Variants in BSN observed in about 807,000 individuals in gnomAD.
BSN encodes protein bassoon.
In BSN, 57 loss-of-function variants were observed where a neutral mutation model predicts 264.8. The observed-to-expected ratio is 0.22, with a 90% CI of 0.17 to 0.27. BSN has a LOEUF of 0.27. Ranked by LOEUF, BSN falls within the 10% of genes least tolerant of loss-of-function variation. BSN has a pLI of 1.00. For missense variants in BSN, 4,615 were observed against 5,232.5 expected, an observed-to-expected ratio of 0.88 and a Z score of 3.64; for synonymous variants, 2,059 against 2,137.3, an observed-to-expected ratio of 0.96 and a Z score of 1.01.
intron 1 of BSN, among the ~76,000 whole-genome samples, chr3:49,592,603 T>C (rs1014590559): frequency 6.7e-6 from 1 of 150,252 alleles, no homozygotes; most frequent in Admixed American, 6.6e-5. Flanking sequence ...AACAAAAAAT[T>C]AGCCGGGCGT....
chr3:49,575,141 T>G (rs183838182), intron 1 of BSN, among the ~76,000 whole-genome samples: 15 of 152,050 alleles, frequency 9.9e-5, no homozygotes, highest in Non-Finnish European at 1.9e-4. Context: ...GAGGTCAGGC[T>G]TGAGTTGCCG....
chr3:49,610,784 G>A (rs2052200536), intron 1 of BSN, among the ~76,000 whole-genome samples: 3 of 152,088 alleles, frequency 2.0e-5, no homozygotes, highest in Admixed American at 6.6e-5. Context: ...TCAAACAGGA[G>A]GCTCTGGGAT....
rs201627833 is a variant in BSN, at chr3:49,652,809, C to T, written c.3253C>T (p.Arg1085Trp). ...RRDKEELRAQ[R>W]RRERSKTPPS... ...GGACAAGGAAGAACTGCGGGCCCAG[C>T]GGAGGCGAGAGCGCTCCAAGACACC... The change falls in exon 5 of 12, where the codon CGG (arginine) becomes TGG (tryptophan). Residue 1085 changes from arginine (R) to tryptophan (W), a missense_variant. Physicochemically the swap from Arg to Trp is moderately radical, Grantham distance 101. This residue lies in a region of BSN where 3,415 missense variants were observed against 3,866.4 expected (regional missense o/e 0.88). Transcript: ENST00000296452. The T allele has an allele frequency of 9.6e-6, 15 of 1,559,672 alleles. No individual in the cohort carries two copies. Among genetic ancestry groups the T allele is most frequent in the South Asian group, 1.2e-5 (1 of 83,070 alleles).
intron 3 of BSN, among the ~76,000 whole-genome samples, chr3:49,644,110 T>C (rs1287075546): frequency 4.6e-5 from 7 of 152,198 alleles, no homozygotes; most frequent in Non-Finnish European, 1.5e-5. Context: ...TGGGCGTAGC[T>C]TGGTGTGTCT....
At chr3:49,566,807 A>C (rs2108003493) in intron 1 of BSN, among the ~76,000 whole-genome samples, 1 of 151,614 alleles carries the variant, frequency 6.6e-6, no homozygotes, top group African/African-American at 2.4e-5. Flanking sequence ...AAAAAAAAAA[A>C]AAAGGATTAG....
intron 1 of BSN, among the ~76,000 whole-genome samples, chr3:49,557,025 A>G (rs1355688727): frequency 1.3e-5 from 2 of 152,144 alleles, no homozygotes; most frequent in African/African-American, 2.4e-5. Context: ...TCATCCTCAT[A>G]CTGAGCTGAG....
chr3:49,581,223 G>A (rs2051893653), intron 1 of BSN, among the ~76,000 whole-genome samples: 1 of 151,910 alleles, frequency 6.6e-6, no homozygotes, highest in South Asian at 2.1e-4. Flanking sequence ...GACCTCAAGT[G>A]ATCTGCCCAC....
At position 49,671,083 on chromosome 3, in the gene BSN, C is replaced by T. The variant is rs1202119173; in HGVS notation, c.*3598C>T. The stretch of plus-strand genomic sequence containing the variant: ...TGCTGCCATGTGCACTGGGGTGGCA[C>T]TGGAGAGCCATGGCAGTCGTGAGAT... On this transcript the variant is annotated 3_prime_UTR_variant, in exon 12 of 12. Coordinates refer to ENST00000296452, the MANE Select transcript of BSN (RefSeq NM_003458.4). The surrounding 1 kb of genome is among the most constrained non-coding windows in gnomAD (Gnocchi z 4.1). The T allele has an allele frequency of 1.3e-5, 2 of 152,234 alleles. No homozygotes were observed. Among genetic ancestry groups the T allele is most frequent in the Non-Finnish European group, 2.9e-5 (2 of 68,048 alleles). The allele number at this position is 152,234 out of a possible 1,614,324, so 9.4% of individuals were successfully genotyped here. A position where few individuals can be genotyped will look rare whatever the true frequency, so the allele number is the denominator to read the frequency against.
intron 3 of BSN, among the ~76,000 whole-genome samples, chr3:49,646,221 C>T (rs1208919261): frequency 1.3e-5 from 2 of 152,122 alleles, no homozygotes; most frequent in Non-Finnish European, 2.9e-5. Context: ...TGAGTCATTT[C>T]ATAATTAAGA....
At chr3:49,567,044 A>G (rs2051757208) in intron 1 of BSN, among the ~76,000 whole-genome samples, 1 of 152,114 alleles carries the variant, frequency 6.6e-6, no homozygotes. Context: ...AAGAAGGAAA[A>G]AGACACAGTC....
At chr3:49,586,532 G>T (rs1236928440) in intron 1 of BSN, among the ~76,000 whole-genome samples, 3 of 152,112 alleles carry the variant, frequency 2.0e-5, no homozygotes, top group African/African-American at 7.2e-5. Context: ...GTAGAGACAG[G>T]GTTTCACCAT....
At chr3:49,610,887 G>A (rs182130922) in intron 1 of BSN, among the ~76,000 whole-genome samples, 1 of 152,294 alleles carries the variant, frequency 6.6e-6, no homozygotes, top group African/African-American at 2.4e-5. Flanking sequence ...TGTCTGCATA[G>A]TGATGCAGAC....
chr3:49,610,602 A>AAAC (rs1173799981), intron 1 of BSN, among the ~76,000 whole-genome samples: 1 of 151,678 alleles, frequency 6.6e-6, no homozygotes, highest in South Asian at 2.1e-4. Flanking sequence ...AAAAAAAAAA[A>AAAC]AAAACAAGTA....
In BSN at chr3:49,660,642, G is replaced by C. The variant is rs140228596; in HGVS notation, c.8797G>C (p.Val2933Leu). Residue 2933 changes from valine (V) to leucine (L), a missense_variant, in exon 6 of 12, where the codon GTC becomes CTC. Transcript: ENST00000296452. The surrounding 1 kb of genome is among the most constrained non-coding windows in gnomAD (Gnocchi z 7.1). ...GCGAGGGCTGACGGGGCCCACCACT[G>C]TCCCTGCTACCAAGGCCAGCCTGCT... Reference protein sequence around the residue: ...LQRGLTGPTTVPATKASLLRE... With the variant: ...LQRGLTGPTTLPATKASLLRE... 3 of 1,613,148 alleles carry C rather than the reference G, an allele frequency of 1.9e-6. No individual in the cohort carries two copies. The highest frequency in any genetic ancestry group is 2.5e-6 in the Non-Finnish European group (3 of 1,179,968).
chr3:49,617,298 T>TA, intron 1 of BSN, among the ~76,000 whole-genome samples: 1 of 9,372 alleles, frequency 1.1e-4, no homozygotes, highest in Non-Finnish European at 5.0e-4. Flanking sequence ...TATATATATA[T>TA]ATATATATAT....
chr3:49,625,458 T>C lies in BSN; in HGVS notation c.633+75T>C. The C allele has an allele frequency of 7.6e-7, 1 of 1,324,020 alleles. No individual in the cohort carries two copies. The highest frequency in any genetic ancestry group is 9.9e-7 in the Non-Finnish European group (1 of 1,013,804). 82.0% of individuals were successfully genotyped at this position (1,324,020 alleles called of 1,614,324 possible). A position where few individuals can be genotyped will look rare whatever the true frequency, so the allele number is the denominator to read the frequency against. On this transcript the variant is annotated intron_variant, in intron 2 of 11. Transcript: ENST00000296452. This position sits in a 1 kb window ranked among gnomAD's most constrained non-coding sequence, Gnocchi z 4.4. ...ACCTCCCCTGGTTCCCTTCCCCTCT[T>C]TCACCAACTCTCTTTTCCTGGTCAT... is the stretch of plus-strand genomic sequence containing the variant.
intron 8 of BSN, 75 bp from the exon 9 acceptor site, chr3:49,664,348 C>G: frequency 6.3e-7 from 1 of 1,591,544 alleles, no homozygotes; most frequent in Non-Finnish European, 8.6e-7. Flanking sequence ...CAGATTCTCT[C>G]GTGGGTACTT....
chr3:49,643,108 G>A lies in BSN; in HGVS notation c.1474G>A (p.Val492Met), dbSNP rs1248840985. 1 of 1,613,092 alleles carries A rather than the reference G, an allele frequency of 6.2e-7. No individual in the cohort carries two copies. Residue 492 changes from valine (V) to methionine (M), a missense_variant, in exon 3 of 12, where the codon GTG becomes ATG. Around this residue, in one of 3 missense-constraint regions of BSN, gnomAD observed 1,197 missense variants for 1,348.0 expected, o/e 0.89. Coordinates refer to ENST00000296452, the MANE Select transcript of BSN (RefSeq NM_003458.4). The stretch of plus-strand genomic sequence containing the variant: ...CACATGCACCACCTGCAGGCTCCAG[G>A]TGTGCAACCTGTGTGGCTTCAACCC... ...YNTCTTCRLQ[V>M]CNLCGFNPTP...
At position 49,662,509 on chromosome 3, in the gene BSN, G is replaced by C. The variant is rs1475618613; in HGVS notation, c.10664G>C (p.Arg3555Pro). ...KDGPRAHAYK[R>P]EEGYILDDSH... ...GGACCTCGGGCCCACGCATATAAGCGTGAGGAGGGCTACATCCTGGATGAT... is the reference window on the plus strand; with the variant it reads ...GGACCTCGGGCCCACGCATATAAGCCTGAGGAGGGCTACATCCTGGATGAT... The change falls in exon 6 of 12, where the codon CGT (arginine) becomes CCT (proline). Residue 3555 changes from arginine (R) to proline (P), a missense_variant. This residue lies in a region of BSN where 3,415 missense variants were observed against 3,866.4 expected (regional missense o/e 0.88). Coordinates refer to ENST00000296452, the MANE Select transcript of BSN (RefSeq NM_003458.4). 1 of 1,611,656 alleles carries C rather than the reference G, an allele frequency of 6.2e-7. No individual in the cohort carries two copies. Among genetic ancestry groups the C allele is most frequent in the Non-Finnish European group, 8.5e-7 (1 of 1,179,230 alleles).
Sources: gnomAD v4.1 joint callset for allele counts (sites outside exome capture counted in the v4.1 genomes callset) on GRCh38, gnomAD v4.1.1 for gene constraint, gnomAD v4.1.1 regional missense constraint, Gnocchi (gnomAD v3.1) non-coding constraint, MANE v1.5 for transcripts, NCBI Gene and HGNC (gene_info 2026-07-23, HGNC 2026-07-21) for gene names.